The following GLIS3 variants were observed in gnomAD, a reference collection of about 807,000 sequenced individuals.
GLIS3 encodes GLIS family zinc finger 3.
A neutral mutation model predicts 78.6 loss-of-function variants in GLIS3; 53 were observed. The ratio of observed to expected loss-of-function variants is 0.67; its 90% confidence interval spans 0.54 to 0.85. GLIS3 has a LOEUF of 0.85. GLIS3 is among the 40% of genes least tolerant of loss of function. The pLI, the probability that GLIS3 is intolerant of heterozygous loss-of-function variation, is 0.00. For missense variants in GLIS3, 1,703 were observed against 1,231.1 expected (o/e 1.38, Z -5.74); for synonymous variants, 684 against 509.9 (o/e 1.34, Z -4.60).
chr9:4,202,171 G>T lies in GLIS3; in HGVS notation c.389-76230C>A, dbSNP rs753695430. Among the ~76,000 whole-genome samples the T allele has an allele frequency of 2.4e-3, 189 of 77,476 alleles. 1 individual carries two copies. Among genetic ancestry groups the T allele is most frequent in the Middle Eastern group, 0.023 (2 of 86 alleles). 50.8% of individuals were successfully genotyped at this position (77,476 alleles called of 152,430 possible). On this transcript the variant is annotated intron_variant, in intron 2 of 10. Transcript: ENST00000381971. ...CTTTTTCTTTTTTTTTTTTTTTTGA[G>T]ACGGAGTCTTGCTCTGTTGCCCAAG...
rs1587256839 is a variant in GLIS3 at position 4,273,609 on chromosome 9, AAAT to A, written c.388+12426_388+12428del. On this transcript the variant is annotated intron_variant, in intron 2 of 10. Transcript: ENST00000381971. ...CCTTATCATAAATAAATAAATAAAT[AAAT>A]AAATAAATAAATAAATAAATAAATG... is the stretch of plus-strand genomic sequence containing the variant. Among the ~76,000 whole-genome samples, 3 of 93,802 alleles carry A rather than the reference AAAT, an allele frequency of 3.2e-5. No homozygotes were observed. The East Asian group carries it at 1.5e-3, about 47-fold the overall frequency. 61.5% of individuals were successfully genotyped at this position (93,802 alleles called of 152,430 possible). A position where few individuals can be genotyped will look rare whatever the true frequency, so the allele number is the denominator to read the frequency against.
chr9:3,876,872 C>G (rs73384249), intron 8 of GLIS3, among the ~76,000 whole-genome samples: 8,803 of 151,412 alleles, frequency 0.058, 333 homozygotes, highest in African/African-American at 0.1. Context: ...CCTCAAGCAG[C>G]AGGAGCAGCT....
chr9:3,967,026 A>C (rs376554229), intron 4 of GLIS3, among the ~76,000 whole-genome samples: 2,134 of 141,662 alleles, frequency 0.015, 64 homozygotes, highest in South Asian at 0.031. Context: ...AAAAAAAAAA[A>C]AAAAAAACAA....
chr9:4,075,264 C>T (rs1827947986), intron 4 of GLIS3, among the ~76,000 whole-genome samples: 1 of 151,896 alleles, frequency 6.6e-6, no homozygotes, highest in Admixed American at 6.6e-5. Context: ...TTATTGAAAG[C>T]TTAAAAATAA....
intron 2 of GLIS3, among the ~76,000 whole-genome samples, chr9:4,263,216 G>T (rs752457625): frequency 6.6e-6 from 1 of 152,178 alleles, no homozygotes; most frequent in Non-Finnish European, 1.5e-5. Context: ...CTTCTCAGTG[G>T]CTCACAGACA....
intron 1 of GLIS3, among the ~76,000 whole-genome samples, chr9:4,292,656 T>C (rs1332240872): frequency 6.6e-6 from 1 of 152,230 alleles, no homozygotes; most frequent in African/African-American, 2.4e-5. Context: ...AAGTATCAAT[T>C]GATCAATTGT....
At chr9:4,345,352 A>G (rs948901388) in intron 2 of GLIS3, among the ~76,000 whole-genome samples, 16 of 151,852 alleles carry the variant, frequency 1.1e-4, no homozygotes, top group African/African-American at 3.6e-4. Context: ...TCCCTATCCT[A>G]TCTACTTTAT....
rs1365585940 is a variant in GLIS3 at position 4,286,515 on chromosome 9, G to T, written c.-90C>A. The T allele has an allele frequency of 1.4e-6, 2 of 1,468,576 alleles. No individual in the cohort carries two copies. The highest frequency in any genetic ancestry group is 1.9e-6 in the Non-Finnish European group (2 of 1,063,502). 91.0% of individuals were successfully genotyped at this position (1,468,576 alleles called of 1,614,324 possible). ...GTCCAATAAGTTATCCATGGTGTGG[G>T]TTATAAGCCTGTTTAAAAAAATAAA... is the stretch of plus-strand genomic sequence containing the variant. On this transcript the variant is annotated 5_prime_UTR_variant, in exon 2 of 11. Transcript: ENST00000381971.
intron 1 of GLIS3, among the ~76,000 whole-genome samples, chr9:4,298,859 C>T (rs1405976910): frequency 6.6e-6 from 1 of 152,104 alleles, no homozygotes; most frequent in Non-Finnish European, 1.5e-5. Context: ...ATGGGGACAC[C>T]GGCTTGGATG....
At chr9:3,829,573 C>T in intron 9 of GLIS3, 81 bp from the exon 10 acceptor site, 1 of 1,439,328 alleles carries the variant, frequency 6.9e-7, no homozygotes, top group Non-Finnish European at 9.7e-7. Context: ...TAGAACCTCA[C>T]TCAGCCTGGC....
the GLIS3 span, among the ~76,000 whole-genome samples, chr9:4,408,412 G>C: frequency 0.071 from 10,378 of 146,396 alleles, 764 homozygotes; most frequent in East Asian, 0.3. Context: ...AGGAAGGTGG[G>C]GATGGTTAAT....
intron 2 of GLIS3, among the ~76,000 whole-genome samples, chr9:4,183,124 G>T (rs1022623261): frequency 3.9e-5 from 6 of 152,144 alleles, no homozygotes; most frequent in African/African-American, 1.2e-4. Context: ...GCTATCTTTG[G>T]GTTGTTAAGG....
intron 8 of GLIS3, chr9:3,878,481 A>G (rs1253473191): frequency 1.3e-5 from 2 of 152,236 alleles, no homozygotes; most frequent in Non-Finnish European, 2.9e-5. Context: ...AAAACCACAT[A>G]TTACCAAACT....
chr9:4,328,319 C>T (rs76410465), intron 2 of GLIS3, among the ~76,000 whole-genome samples: 3 of 152,182 alleles, frequency 2.0e-5, no homozygotes, highest in Non-Finnish European at 4.4e-5. Flanking sequence ...ACAGCTCCCC[C>T]TGAAGTTCCA....
At chr9:4,342,278 G>C (rs923897433) in intron 2 of GLIS3, among the ~76,000 whole-genome samples, 1 of 152,174 alleles carries the variant, frequency 6.6e-6, no homozygotes, top group Non-Finnish European at 1.5e-5. Flanking sequence ...TATGATGAAA[G>C]GAAGGGATCC....
At chr9:4,468,048 G>A in the GLIS3 span, among the ~76,000 whole-genome samples, 58 of 152,256 alleles carry the variant, frequency 3.8e-4, no homozygotes, top group African/African-American at 1.3e-3. Flanking sequence ...AGTGATTGAA[G>A]ATCAAATTAA....
intron 2 of GLIS3, among the ~76,000 whole-genome samples, chr9:4,178,447 A>T (rs566602710): frequency 1.3e-5 from 2 of 152,218 alleles, no homozygotes; most frequent in Admixed American, 6.5e-5. Context: ...GAAGGAGGGG[A>T]AGGGAGGGAC....
chr9:4,446,605 G>A, the GLIS3 span, among the ~76,000 whole-genome samples: 192 of 150,384 alleles, frequency 1.3e-3, 3 homozygotes, highest in African/African-American at 3.6e-3. Context: ...CACCTCCTGG[G>A]TTCAAGTGAT....
chr9:4,357,297 C>T, the GLIS3 span, among the ~76,000 whole-genome samples: 1 of 152,162 alleles, frequency 6.6e-6, no homozygotes, highest in South Asian at 2.1e-4. Context: ...GATTGCCCCT[C>T]CCAAGTGTGG....
Sources: gnomAD v4.1 joint callset for allele counts (sites outside exome capture counted in the v4.1 genomes callset) on GRCh38, gnomAD v4.1.1 for gene constraint, MANE v1.5 for transcripts, NCBI Gene and HGNC (gene_info 2026-07-23, HGNC 2026-07-21) for gene names.